DGKI: variants seen among roughly 807,000 people sequenced by gnomAD.
DGKI encodes the protein diacylglycerol kinase iota.
DGKI carries 55 observed loss-of-function variants against 147.5 expected under a neutral mutation model. The observed-to-expected ratio is 0.37, with a 90% CI of 0.30 to 0.47. The LOEUF (loss-of-function observed/expected upper bound fraction) is 0.47, where lower values mean the gene tolerates loss of function less well. Ranked by LOEUF, DGKI falls within the 20% of genes least tolerant of loss-of-function variation. The pLI, the probability that DGKI is intolerant of heterozygous loss-of-function variation, is 1.00. For synonymous variants in DGKI, 469 were observed against 477.1 expected, an observed-to-expected ratio of 0.98 and a Z score of 0.22; for missense variants, 1,007 against 1,323.8, an observed-to-expected ratio of 0.76 and a Z score of 3.71.
chr7:137,673,188 A>C (rs563369217), intron 3 of DGKI, among the ~76,000 whole-genome samples: 2 of 152,198 alleles, frequency 1.3e-5, no homozygotes, highest in South Asian at 4.2e-4. Flanking sequence ...TGTCCAAATC[A>C]AGTTACATTC....
At chr7:137,460,365 G>C (rs1212449630) in intron 27 of DGKI, among the ~76,000 whole-genome samples, 2 of 152,136 alleles carry the variant, frequency 1.3e-5, no homozygotes, top group African/African-American at 2.4e-5. Context: ...ACAATTTATA[G>C]CATATGTATG....
intron 3 of DGKI, among the ~76,000 whole-genome samples, chr7:137,659,829 A>G (rs2116279031): frequency 6.6e-6 from 1 of 152,272 alleles, no homozygotes; most frequent in Non-Finnish European, 1.5e-5. Context: ...GCTACTCAGG[A>G]GGCTGAGGCA....
chr7:137,601,998 A>T (rs1030081383), intron 10 of DGKI, among the ~76,000 whole-genome samples: 6 of 152,212 alleles, frequency 3.9e-5, no homozygotes, highest in Admixed American at 3.9e-4. Context: ...AGATCTGTAT[A>T]CACACTAAAT....
At chr7:137,572,042 T>C (rs995599180) in intron 18 of DGKI, among the ~76,000 whole-genome samples, 6 of 152,222 alleles carry the variant, frequency 3.9e-5, no homozygotes, top group Non-Finnish European at 7.4e-5. Context: ...GAGACTATGA[T>C]GTGTTTTCCT....
Position 137,383,061 on chromosome 7 carries a change from T to C in DGKI, c.*8159A>G, listed in dbSNP as rs1811095860. On this transcript the variant is annotated 3_prime_UTR_variant, in exon 33 of 33. Coordinates refer to ENST00000614521, the MANE Select transcript of DGKI (RefSeq NM_001321708.2). ...GCAGAGGATATAGAATTTCCCACCC[T>C]CTTCTCCAGTCCTGACTCTACATCC... 6.6e-6 allele frequency: 1 copy of C among 151,928 alleles called. No homozygotes were observed. The highest frequency in any genetic ancestry group is 2.4e-5 in the African/African-American group (1 of 41,424). 9.4% of individuals were successfully genotyped at this position (151,928 alleles called of 1,614,324 possible).
chr7:137,795,012 G>C (rs1218456337), intron 1 of DGKI, among the ~76,000 whole-genome samples: 1 of 152,016 alleles, frequency 6.6e-6, no homozygotes, highest in Non-Finnish European at 1.5e-5. Context: ...TCTGATATTT[G>C]TGTCTCAAAA....
At chr7:137,461,868 A>G (rs1256701166) in intron 27 of DGKI, among the ~76,000 whole-genome samples, 2 of 152,214 alleles carry the variant, frequency 1.3e-5, no homozygotes, top group Non-Finnish European at 2.9e-5. Flanking sequence ...AGACATCCCT[A>G]AAAAGATAGT....
intron 1 of DGKI, among the ~76,000 whole-genome samples, chr7:137,834,720 A>C (rs901028386): frequency 6.6e-6 from 1 of 152,246 alleles, no homozygotes; most frequent in Admixed American, 6.5e-5. Context: ...TCTCTGAAGA[A>C]AATACATTTG....
At chr7:137,482,744 G>A (rs771780221) in intron 23 of DGKI, among the ~76,000 whole-genome samples, 1 of 151,990 alleles carries the variant, frequency 6.6e-6, no homozygotes, top group Non-Finnish European at 1.5e-5. Flanking sequence ...CTCTGGCCAC[G>A]TTAGTTCTAA....
intron 1 of DGKI, among the ~76,000 whole-genome samples, chr7:137,735,393 T>A (rs750484913): frequency 1.3e-5 from 2 of 152,096 alleles, no homozygotes; most frequent in Non-Finnish European, 2.9e-5. Context: ...CTGGTTAGAT[T>A]TTACTTATCC....
chr7:137,676,998 T>C (rs928922463), intron 3 of DGKI, among the ~76,000 whole-genome samples: 2 of 152,200 alleles, frequency 1.3e-5, no homozygotes, highest in East Asian at 1.9e-4. Flanking sequence ...CTGGCTTTCA[T>C]TTTTTCCATT....
At chr7:137,819,431 C>G (rs1797831613) in intron 1 of DGKI, among the ~76,000 whole-genome samples, 1 of 152,014 alleles carries the variant, frequency 6.6e-6, no homozygotes, top group African/African-American at 2.4e-5. Flanking sequence ...CTGCCTCATC[C>G]TCCTGAGTAG....
rs544501795 is a variant in DGKI at position 137,381,780 on chromosome 7, T to C, written c.*9440A>G. 3 of 152,206 alleles carry C rather than the reference T, an allele frequency of 2.0e-5. No individual in the cohort carries two copies. In the East Asian group the frequency reaches 5.8e-4, roughly 29 times the overall value. The allele number at this position is 152,206 out of a possible 1,614,324, so 9.4% of individuals were successfully genotyped here. On this transcript the variant is annotated 3_prime_UTR_variant, in exon 33 of 33. Coordinates refer to ENST00000614521, the MANE Select transcript of DGKI (RefSeq NM_001321708.2). The stretch of plus-strand genomic sequence containing the variant: ...GCTGAGACTATTTTGGCCCCTGACT[T>C]TTCAAAGATGTGTTTTGCAAAATAT...
At position 137,469,609 on chromosome 7, in the gene DGKI, G is replaced by A; in HGVS notation, c.2384C>T (p.Thr795Ile). ...TGCTGAGAGAGCCCTGGGGAAGGAG[G>A]TTTCATGGTCCTGGAAAGAGACACA... ...SQRVHYQDHETSFPRALSAQR... is the reference protein window; with the variant it reads ...SQRVHYQDHEISFPRALSAQR... Residue 795 changes from threonine to isoleucine, a missense_variant, in exon 24 of 33, where the codon ACC becomes ATC. Around this residue, in one of 5 missense-constraint regions of DGKI, gnomAD observed 385 missense variants for 445.2 expected, o/e 0.86. Coordinates refer to ENST00000614521, the MANE Select transcript of DGKI (RefSeq NM_001321708.2). 6.2e-7 allele frequency: 1 copy of A among 1,613,968 alleles called. No individual in the cohort carries two copies. Among genetic ancestry groups the A allele is most frequent in the Non-Finnish European group, 8.5e-7 (1 of 1,179,948 alleles).
chr7:137,484,316 A>C (rs1053423147), intron 23 of DGKI, among the ~76,000 whole-genome samples: 1 of 152,056 alleles, frequency 6.6e-6, no homozygotes, highest in Non-Finnish European at 1.5e-5. Flanking sequence ...AAGGATGTTA[A>C]ATTGGAAATT....
At chr7:137,537,639 C>T (rs569572364) in intron 20 of DGKI, among the ~76,000 whole-genome samples, 8 of 152,222 alleles carry the variant, frequency 5.3e-5, no homozygotes, top group Admixed American at 3.3e-4. Context: ...TTATAATCCA[C>T]GAATCAGAAT....
chr7:137,655,605 G>A (rs1027162337), intron 4 of DGKI, among the ~76,000 whole-genome samples: 11 of 152,204 alleles, frequency 7.2e-5, no homozygotes, highest in Non-Finnish European at 1.6e-4. Context: ...AGTGAAAGGA[G>A]CAAAAGAATG....
intron 19 of DGKI, among the ~76,000 whole-genome samples, chr7:137,565,902 C>T (rs542143325): frequency 7.7e-4 from 118 of 152,276 alleles, no homozygotes; most frequent in African/African-American, 2.8e-3. Flanking sequence ...AAGACTTCTA[C>T]TTTGAAATTT....
intron 27 of DGKI, among the ~76,000 whole-genome samples, chr7:137,453,462 CTT>C (rs1045728004): frequency 6.6e-6 from 1 of 152,200 alleles, no homozygotes; most frequent in African/African-American, 2.4e-5. Flanking sequence ...ATAATCCTCT[CTT>C]TGTTTGCTTT....
Sources: gnomAD v4.1 joint callset for allele counts (sites outside exome capture counted in the v4.1 genomes callset) on GRCh38, gnomAD v4.1.1 for gene constraint, gnomAD v4.1.1 regional missense constraint, MANE v1.5 for transcripts, NCBI Gene and HGNC (gene_info 2026-07-23, HGNC 2026-07-21) for gene names.